The following TEKT5 variants were observed in gnomAD, a reference collection of about 807,000 sequenced individuals.
TEKT5 encodes the protein tektin 5.
In TEKT5, 52 loss-of-function variants were observed where a neutral mutation model predicts 48.7. That is an observed-to-expected ratio of 1.07 (90% CI 0.86 to 1.35). The LOEUF (loss-of-function observed/expected upper bound fraction) is 1.35. TEKT5 is among the 40% of genes most tolerant of loss of function. The pLI is 0.00. For missense variants in TEKT5, 831 were observed against 641.6 expected (o/e 1.30, Z -3.19); for synonymous variants, 318 against 267.6 (o/e 1.19, Z -1.84).
chr16:10,670,560 A>C (rs566909724), intron 5 of TEKT5, among the ~76,000 whole-genome samples: 5 of 152,276 alleles, frequency 3.3e-5, no homozygotes, highest in Admixed American at 3.3e-4. Flanking sequence ...GCCAAAGTAA[A>C]CTGTTGAAAA....
At chr16:10,692,686 C>T (rs1383125899) in intron 1 of TEKT5, 2 of 152,220 alleles carry the variant, frequency 1.3e-5, no homozygotes, top group Non-Finnish European at 2.9e-5. Flanking sequence ...AAAAGACATT[C>T]CCTGATAAAA....
intron 5 of TEKT5, among the ~76,000 whole-genome samples, chr16:10,655,143 T>C (rs1472162357): frequency 6.6e-6 from 1 of 152,060 alleles, no homozygotes; most frequent in Non-Finnish European, 1.5e-5. Context: ...AGGACTACAT[T>C]TATCCTTCAA....
chr16:10,645,541 G>A (rs1898056984), intron 5 of TEKT5, among the ~76,000 whole-genome samples: 1 of 152,022 alleles, frequency 6.6e-6, no homozygotes, highest in African/African-American at 2.4e-5. Context: ...AGTGGCTCAC[G>A]CCTGTAATCC....
At position 10,676,749 on chromosome 16, in the gene TEKT5, G is replaced by A. The variant is rs116337268; in HGVS notation, c.864-568C>T. 4.1e-3 allele frequency among the ~76,000 whole-genome samples: 623 copies of A among 152,322 alleles called. 2 individuals are homozygous for A. The highest frequency in any genetic ancestry group is 0.014 in the African/African-American group (602 of 41,576). ...AATATTTCTTCAACTTCTACGACAT[G>A]CCAAGCATTGTTCCAGGCAGTTAGG... On this transcript the variant is annotated intron_variant, in intron 4 of 6. Transcript: ENST00000283025.
intron 5 of TEKT5, among the ~76,000 whole-genome samples, chr16:10,645,192 G>A (rs1898052135): frequency 6.6e-6 from 1 of 152,152 alleles, no homozygotes; most frequent in Non-Finnish European, 1.5e-5. Flanking sequence ...CCCAGTTATT[G>A]CATGAGACAT....
intron 5 of TEKT5, among the ~76,000 whole-genome samples, chr16:10,650,896 A>C (rs1277494020): frequency 2.0e-5 from 3 of 151,578 alleles, no homozygotes; most frequent in Non-Finnish European, 4.4e-5. Context: ...AAAAAAAAAA[A>C]AAGCCACACC....
At chr16:10,633,246 A>AG (rs1897865506) in intron 6 of TEKT5, among the ~76,000 whole-genome samples, 1 of 152,118 alleles carries the variant, frequency 6.6e-6, no homozygotes, top group Non-Finnish European at 1.5e-5. Context: ...GTGTAATCCC[A>AG]GCTACTCGGG....
intron 5 of TEKT5, among the ~76,000 whole-genome samples, chr16:10,668,307 C>G (rs1487418820): frequency 1.3e-5 from 2 of 152,214 alleles, no homozygotes; most frequent in Non-Finnish European, 2.9e-5. Context: ...AGGTCGGCAT[C>G]ATGATGAGTC....
In TEKT5 at chr16:10,659,596, C is replaced by T. The variant is rs910687446; in HGVS notation, c.1086+16363G>A. Reference sequence around the variant, plus strand: ...GGGTTTCACCATGTTAGCCTGACCTCGTGATCTGCCCGCCTCAACCTCCCA... The same window carrying T: ...GGGTTTCACCATGTTAGCCTGACCTTGTGATCTGCCCGCCTCAACCTCCCA... On this transcript the variant is annotated intron_variant, in intron 5 of 6. Coordinates refer to ENST00000283025, the MANE Select transcript of TEKT5 (RefSeq NM_144674.2). Among the ~76,000 whole-genome samples the T allele has an allele frequency of 4.6e-5, 7 of 152,176 alleles. 1 individual carries two copies. Among genetic ancestry groups the T allele is most frequent in the East Asian group, 1.9e-4 (1 of 5,176 alleles).
In TEKT5 at chr16:10,652,868, C is replaced by CAT. The variant is rs1567228474; in HGVS notation, c.1087-16951_1087-16950insAT. Among the ~76,000 whole-genome samples the CAT allele has an allele frequency of 2.5e-3, 145 of 58,350 alleles. 6 individuals carry two copies. Among genetic ancestry groups the CAT allele is most frequent in the African/African-American group, 4.2e-3 (19 of 4,508 alleles). 38.3% of individuals were successfully genotyped at this position (58,350 alleles called of 152,430 possible). A position where few individuals can be genotyped will look rare whatever the true frequency, so the allele number is the denominator to read the frequency against. ...ACACACACACACACACACACACACA[C>CAT]ACCCTCCAGGTCAGGTAGAGCGATC... On this transcript the variant is annotated intron_variant, in intron 5 of 6. Coordinates refer to ENST00000283025, the MANE Select transcript of TEKT5 (RefSeq NM_144674.2).
intron 3 of TEKT5, among the ~76,000 whole-genome samples, chr16:10,682,791 C>T (rs1431213002): frequency 5.9e-5 from 9 of 152,222 alleles, no homozygotes; most frequent in Admixed American, 5.9e-4. Flanking sequence ...CTCAATAAAA[C>T]TTTATTTACA....
rs747920869 is a variant in TEKT5 at position 10,627,635 on chromosome 16, A to C, written c.1406T>G (p.Met469Arg). The change falls in exon 7 of 7, where the codon ATG becomes AGG. Residue 469 changes from methionine to arginine, a missense_variant. Met to Arg is a moderately conservative substitution (Grantham distance 91). Coordinates refer to ENST00000283025, the MANE Select transcript of TEKT5 (RefSeq NM_144674.2). ...NTLCIDKEKC[M>R]GMRKTFPCTP... ...GCAGGGGAAGGTCTTACGCATGCCC[A>C]TGCACTTCTCCTTGTCGATGCAGAG... The C allele has an allele frequency of 3.1e-6, 5 of 1,614,172 alleles. No individual in the cohort carries two copies. The highest frequency in any genetic ancestry group is 4.2e-6 in the Non-Finnish European group (5 of 1,180,028).
chr16:10,646,573 C>A (rs1163895587), intron 5 of TEKT5, among the ~76,000 whole-genome samples: 1 of 151,922 alleles, frequency 6.6e-6, no homozygotes, highest in Non-Finnish European at 1.5e-5. Context: ...CTATGGGCAC[C>A]AAGAAATTGC....
intron 5 of TEKT5, among the ~76,000 whole-genome samples, chr16:10,667,886 T>C (rs1898484745): frequency 6.6e-6 from 1 of 152,104 alleles, no homozygotes; most frequent in Non-Finnish European, 1.5e-5. Flanking sequence ...AATAATTTTT[T>C]TTTTTTTTTG....
intron 5 of TEKT5, among the ~76,000 whole-genome samples, chr16:10,665,600 C>A (rs1002010089): frequency 6.6e-6 from 1 of 152,122 alleles, no homozygotes; most frequent in African/African-American, 2.4e-5. Context: ...TCCCATTTGG[C>A]ATAGTGTTCC....
At position 10,694,599 on chromosome 16, in the gene TEKT5, T is replaced by C. The variant is rs750267508; in HGVS notation, c.275A>G (p.His92Arg). The C allele has an allele frequency of 2.5e-6, 4 of 1,609,164 alleles. No homozygotes were observed. The highest frequency in any genetic ancestry group is 1.1e-5 in the South Asian group (1 of 90,198). ...RSALFSRYSP[H>R]DWDQSNQLQV... is the part of the protein sequence containing the mutation. ...CAGCTGGTTGGACTGGTCCCAGTCG[T>C]GGGGGCTATAGCGAGAGAAGAGTGC... The change falls in exon 1 of 7, where the codon CAC (histidine) becomes CGC (arginine). Residue 92 changes from histidine (H) to arginine (R), a missense_variant. Physicochemically the swap from His to Arg is conservative, Grantham distance 29. Coordinates refer to ENST00000283025, the MANE Select transcript of TEKT5 (RefSeq NM_144674.2).
intron 3 of TEKT5, among the ~76,000 whole-genome samples, chr16:10,688,443 CT>C (rs1477080184): frequency 2.6e-5 from 4 of 152,234 alleles, no homozygotes; most frequent in African/African-American, 7.2e-5. Flanking sequence ...CCCGCCCCCC[CT>C]GCATCCACGC....
At chr16:10,685,709 T>C (rs1418412569) in intron 3 of TEKT5, among the ~76,000 whole-genome samples, 1 of 152,146 alleles carries the variant, frequency 6.6e-6, no homozygotes, top group African/African-American at 2.4e-5. Flanking sequence ...TCTCTGTCCG[T>C]CTGTCTCCCT....
chr16:10,670,730 T>G (rs1159147916), intron 5 of TEKT5, among the ~76,000 whole-genome samples: 1 of 152,170 alleles, frequency 6.6e-6, no homozygotes, highest in Admixed American at 6.5e-5. Flanking sequence ...GGTGCTAACT[T>G]ATTTGCAGAA....
Sources: gnomAD v4.1 joint callset for allele counts (sites outside exome capture counted in the v4.1 genomes callset) on GRCh38, gnomAD v4.1.1 for gene constraint, MANE v1.5 for transcripts, NCBI Gene and HGNC (gene_info 2026-07-23, HGNC 2026-07-21) for gene names.